CYP7B1: variants seen among roughly 807,000 people sequenced by gnomAD.
The protein encoded by CYP7B1 is cytochrome P450 family 7 subfamily B member 1.
In CYP7B1, 29 loss-of-function variants were observed where a neutral mutation model predicts 42.7. That is an observed-to-expected ratio of 0.68 (90% CI 0.51 to 0.93). CYP7B1 has a LOEUF of 0.93. Ranked by LOEUF, CYP7B1 falls within the 40% of genes least tolerant of loss-of-function variation. The probability of loss-of-function intolerance (pLI) is 0.00; values close to 1 mark genes in which losing one functional copy is unlikely to be tolerated. For missense variants in CYP7B1, 655 were observed against 600.5 expected (o/e 1.09, Z -0.95); for synonymous variants, 235 against 218.2 (o/e 1.08, Z -0.68).
intron 1 of CYP7B1, among the ~76,000 whole-genome samples, chr8:64,642,664 T>C (rs549710001): frequency 6.6e-6 from 1 of 152,306 alleles, no homozygotes; most frequent in Admixed American, 6.5e-5. Context: ...TTTAACCTTT[T>C]GTTGAATATC....
At chr8:64,684,216 T>A (rs940908653) in intron 1 of CYP7B1, among the ~76,000 whole-genome samples, 26 of 152,206 alleles carry the variant, frequency 1.7e-4, no homozygotes, top group Admixed American at 1.6e-3. Flanking sequence ...AAATACTATG[T>A]ATGAGTAAGA....
intron 1 of CYP7B1, among the ~76,000 whole-genome samples, chr8:64,753,551 G>A (rs1218385092): frequency 6.6e-6 from 1 of 152,184 alleles, no homozygotes; most frequent in African/African-American, 2.4e-5. Flanking sequence ...GCCCATTCAC[G>A]CAAAAGGAAG....
intron 1 of CYP7B1, among the ~76,000 whole-genome samples, chr8:64,665,729 A>G (rs186294834): frequency 6.6e-6 from 1 of 151,780 alleles, no homozygotes; most frequent in African/African-American, 2.4e-5. Context: ...GGCATGTGCC[A>G]CCATGCCTGG....
intron 1 of CYP7B1, among the ~76,000 whole-genome samples, chr8:64,733,427 G>T (rs1035800700): frequency 6.6e-6 from 1 of 152,154 alleles, no homozygotes; most frequent in African/African-American, 2.4e-5. Flanking sequence ...CACCATCTGA[G>T]GACCAACTAG....
chr8:64,754,510 G>C (rs1807777839), intron 1 of CYP7B1, among the ~76,000 whole-genome samples: 1 of 152,084 alleles, frequency 6.6e-6, no homozygotes, highest in South Asian at 2.1e-4. Flanking sequence ...TTAACAAGTA[G>C]GGGTCAAGTC....
chr8:64,798,682 G>GC lies in CYP7B1; in HGVS notation c.-96dup. The GC allele has an allele frequency of 2.2e-6, 3 of 1,351,292 alleles. No homozygotes were observed. The highest frequency in any genetic ancestry group is 1.6e-5 in the South Asian group (1 of 64,478). The allele number at this position is 1,351,292 out of a possible 1,614,324, so 83.7% of individuals were successfully genotyped here. ...GCCTGCGGCGGCTTCTCTCGGCGGC[G>GC]CCCCCTAGTCCAGGGCCGGAGAGGC... On this transcript the variant is annotated 5_prime_UTR_variant, in exon 1 of 6. Coordinates refer to ENST00000310193, the MANE Select transcript of CYP7B1 (RefSeq NM_004820.5).
chr8:64,677,954 C>T (rs769318072), intron 1 of CYP7B1, among the ~76,000 whole-genome samples: 6 of 151,970 alleles, frequency 3.9e-5, no homozygotes, highest in Non-Finnish European at 8.8e-5. Context: ...ACAGATTTCT[C>T]GTGGTTAAGC....
At chr8:64,785,200 C>T (rs1480469964) in intron 1 of CYP7B1, among the ~76,000 whole-genome samples, 3 of 152,162 alleles carry the variant, frequency 2.0e-5, no homozygotes, top group African/African-American at 7.2e-5. Context: ...AAAACACTGA[C>T]ACCACCAAAT....
intron 1 of CYP7B1, among the ~76,000 whole-genome samples, chr8:64,722,712 G>T: frequency 8.0e-6 from 1 of 125,406 alleles, no homozygotes; most frequent in Non-Finnish European, 1.6e-5. Flanking sequence ...TCAAACAAAT[G>T]ACTTAAAGGG....
At chr8:64,673,963 C>A (rs1014185101) in intron 1 of CYP7B1, among the ~76,000 whole-genome samples, 2 of 152,054 alleles carry the variant, frequency 1.3e-5, no homozygotes. Flanking sequence ...TCAAAAACAG[C>A]ATAAAATATC....
intron 1 of CYP7B1, among the ~76,000 whole-genome samples, chr8:64,753,550 C>T (rs1563415765): frequency 6.6e-6 from 1 of 152,106 alleles, no homozygotes; most frequent in Non-Finnish European, 1.5e-5. Flanking sequence ...TGCCCATTCA[C>T]GCAAAAGGAA....
intron 1 of CYP7B1, among the ~76,000 whole-genome samples, chr8:64,692,974 C>T (rs1415946270): frequency 6.6e-6 from 1 of 152,224 alleles, no homozygotes; most frequent in Non-Finnish European, 1.5e-5. Flanking sequence ...AAAGCTGTCT[C>T]CTCATGGACT....
intron 1 of CYP7B1, among the ~76,000 whole-genome samples, chr8:64,752,738 A>C (rs577001752): frequency 4.6e-5 from 7 of 152,312 alleles, no homozygotes; most frequent in African/African-American, 1.4e-4. Flanking sequence ...GATCCTATGT[A>C]CAAATATAGG....
rs564208509 is a variant in CYP7B1 at position 64,600,996 on chromosome 8, T to C, written c.1233+3686A>G. 1.2e-4 allele frequency among the ~76,000 whole-genome samples: 18 copies of C among 152,346 alleles called. No homozygotes were observed. In the South Asian group the frequency reaches 3.7e-3, roughly 32 times the overall value. On this transcript the variant is annotated intron_variant, in intron 5 of 5. Coordinates refer to ENST00000310193, the MANE Select transcript of CYP7B1 (RefSeq NM_004820.5). Reference sequence around the variant, plus strand: ...ATTTCTGGATAGTAATTAATTGATATATGTTTGTTTCCTTTAAGTCTACTA... The same window carrying C: ...ATTTCTGGATAGTAATTAATTGATACATGTTTGTTTCCTTTAAGTCTACTA...
intron 4 of CYP7B1, among the ~76,000 whole-genome samples, chr8:64,610,189 A>G (rs1805343194): frequency 6.6e-6 from 1 of 152,150 alleles, no homozygotes; most frequent in African/African-American, 2.4e-5. Flanking sequence ...AGCATTCCTT[A>G]TATTATCTAA....
At chr8:64,620,849 A>G (rs1424947511) in intron 2 of CYP7B1, among the ~76,000 whole-genome samples, 1 of 152,218 alleles carries the variant, frequency 6.6e-6, no homozygotes, top group Non-Finnish European at 1.5e-5. Context: ...CAGATGTTAG[A>G]AATTCAGCAA....
In CYP7B1 at chr8:64,665,576, T is replaced by G. The variant is rs1290520077; in HGVS notation, c.123-41037A>C. 5.1e-5 allele frequency among the ~76,000 whole-genome samples: 6 copies of G among 118,314 alleles called. No homozygotes were observed. The East Asian group carries it at 7.3e-4, about 14-fold the overall frequency. The allele number at this position is 118,314 out of a possible 152,430, so 77.6% of individuals were successfully genotyped here. ...TTTTGGTGGTTTTTTTTTTTTTTTT[T>G]TTTTTTTTTTTTTTTTTGAGACGGA... is the stretch of plus-strand genomic sequence containing the variant. On this transcript the variant is annotated intron_variant, in intron 1 of 5. Transcript: ENST00000310193.
At chr8:64,795,445 T>C (rs562225599) in intron 1 of CYP7B1, among the ~76,000 whole-genome samples, 50 of 152,344 alleles carry the variant, frequency 3.3e-4, no homozygotes, top group African/African-American at 1.2e-3. Context: ...CACTTCACAT[T>C]TATGGCTTTC....
In CYP7B1 at chr8:64,678,598, C is replaced by T. The variant is rs1298490499; in HGVS notation, c.123-54059G>A. ...TATTCAGAGCAAAGCAAAACAGAGT[C>T]TACAATCAGTATTTGGTAACATACT... On this transcript the variant is annotated intron_variant, in intron 1 of 5. Coordinates refer to ENST00000310193, the MANE Select transcript of CYP7B1 (RefSeq NM_004820.5). 2.6e-4 allele frequency among the ~76,000 whole-genome samples: 40 copies of T among 152,126 alleles called. 1 individual carries two copies. Among genetic ancestry groups the T allele is most frequent in the Admixed American group, 2.6e-3 (40 of 15,262 alleles).
Sources: allele counts gnomAD v4.1 joint callset (sites outside exome capture counted in the v4.1 genomes callset), GRCh38; gene constraint gnomAD v4.1.1; transcripts MANE v1.5; gene names NCBI Gene and HGNC (gene_info 2026-07-23, HGNC 2026-07-21).